Variants in FANCD2 observed in about 807,000 individuals in gnomAD.
FANCD2 encodes FA complementation group D2.
Under a neutral mutation model 192.3 loss-of-function variants are expected in FANCD2, and 131 were observed. That is an observed-to-expected ratio of 0.68 (90% confidence interval 0.59 to 0.79). FANCD2 has a LOEUF of 0.79. FANCD2 is among the 30% of genes least tolerant of loss of function. The probability of loss-of-function intolerance (pLI) is 0.00; values close to 1 mark genes in which losing one functional copy is unlikely to be tolerated. For synonymous variants in FANCD2, 524 were observed against 612.5 expected (o/e 0.86, Z 2.13); for missense variants, 1,508 against 1,701.6 (o/e 0.89, Z 2.00).
chr3:10,064,482 C>T, intron 22 of FANCD2, 53 bp downstream of exon 22: 1 of 1,478,634 alleles, frequency 6.8e-7, no homozygotes. Context: ...TACATCAATT[C>T]TGTCAGTAGC....
intron 4 of FANCD2, 42 bp from the exon 5 acceptor site, chr3:10,034,653 A>G: frequency 6.6e-7 from 1 of 1,520,028 alleles, no homozygotes. Flanking sequence ...CAAATATTAA[A>G]CTAAAAATTT....
intron 18 of FANCD2, among the ~76,000 whole-genome samples, chr3:10,054,403 GTATATACGTATATACA>G (rs1559383212): frequency 4.0e-5 from 3 of 74,348 alleles, no homozygotes; most frequent in African/African-American, 2.4e-4. Context: ...ATACGTATAT[GTATATACGTATATACA>G]TATATACATG....
At chr3:10,057,341 C>G (rs909046133) in intron 18 of FANCD2, among the ~76,000 whole-genome samples, 1 of 151,232 alleles carries the variant, frequency 6.6e-6, no homozygotes, top group African/African-American at 2.4e-5. Flanking sequence ...TCAAATTTAT[C>G]TATTTCTTTT....
intron 14 of FANCD2, among the ~76,000 whole-genome samples, chr3:10,044,703 G>T (rs1188429294): frequency 6.6e-6 from 1 of 152,030 alleles, no homozygotes; most frequent in Non-Finnish European, 1.5e-5. Flanking sequence ...ATCCAATTTT[G>T]GGATGATTAT....
intron 18 of FANCD2, among the ~76,000 whole-genome samples, chr3:10,053,445 T>G (rs1575770487): frequency 6.6e-6 from 1 of 151,854 alleles, no homozygotes; most frequent in East Asian, 1.9e-4. Context: ...AGTTAGTGGG[T>G]GCAGCACACC....
intron 9 of FANCD2, 73 bp downstream of exon 9, chr3:10,039,918 C>T (rs2086822893): frequency 6.4e-7 from 1 of 1,569,776 alleles, no homozygotes; most frequent in Non-Finnish European, 8.8e-7. Context: ...ATGCAAAGAG[C>T]AGTAGTAATA....
intron 20 of FANCD2, among the ~76,000 whole-genome samples, chr3:10,063,364 G>T (rs1348409464): frequency 6.7e-6 from 1 of 148,924 alleles, no homozygotes; most frequent in Admixed American, 6.6e-5. Flanking sequence ...TTGAATCCGG[G>T]AAGTGGAGGT....
intron 15 of FANCD2, 68 bp from the exon 16 acceptor site, chr3:10,047,848 GC>G: frequency 1.9e-6 from 3 of 1,592,734 alleles, no homozygotes; most frequent in Non-Finnish European, 2.6e-6. Context: ...AAAAGGATAA[GC>G]AACTCTTAGG....
At chr3:10,067,545 C>T (rs1186692490) in intron 26 of FANCD2, among the ~76,000 whole-genome samples, 1 of 152,196 alleles carries the variant, frequency 6.6e-6, no homozygotes, top group East Asian at 1.9e-4. Context: ...CGCCTGTAAT[C>T]CTAGCACTTT....
chr3:10,041,828 C>T (rs1452294124), intron 10 of FANCD2, 118 bp downstream of exon 10: 9 of 676,164 alleles, frequency 1.3e-5, no homozygotes, highest in South Asian at 6.2e-5. Context: ...TAGTGAATCA[C>T]ATTTGATATC....
intron 18 of FANCD2, among the ~76,000 whole-genome samples, chr3:10,054,743 A>G (rs1201261128): frequency 6.6e-6 from 1 of 151,102 alleles, no homozygotes; most frequent in African/African-American, 2.4e-5. Flanking sequence ...TCGGCCTCCC[A>G]AAGTGCTGGG....
At chr3:10,072,826 T>C (rs1475592251) in intron 26 of FANCD2, 45 bp from the exon 27 acceptor site, 1 of 1,000,152 alleles carries the variant, frequency 1.0e-6, no homozygotes, top group Non-Finnish European at 1.6e-6. Context: ...CTAATGGTGG[T>C]GTGTAATTGG....
intron 19 of FANCD2, among the ~76,000 whole-genome samples, chr3:10,061,269 T>C (rs370173134): frequency 6.6e-6 from 1 of 152,260 alleles, no homozygotes; most frequent in Non-Finnish European, 1.5e-5. Context: ...AACGTACTTT[T>C]ATACTTTCTC....
intron 29 of FANCD2, 37 bp from the exon 30 acceptor site, chr3:10,078,044 G>T (rs909845139): frequency 1.5e-6 from 2 of 1,320,476 alleles, no homozygotes; most frequent in Non-Finnish European, 2.2e-6. Context: ...AAATGACTAG[G>T]ACATTCCTGG....
intron 18 of FANCD2, among the ~76,000 whole-genome samples, chr3:10,054,473 ATTTTTTTT>A (rs55719769): frequency 6.0e-4 from 5 of 8,396 alleles, no homozygotes; most frequent in African/African-American, 3.5e-3. Flanking sequence ...ATATATATAT[ATTTTTTTT>A]TTTTTTTTTT....
intron 17 of FANCD2, among the ~76,000 whole-genome samples, chr3:10,050,575 A>G (rs530894323): frequency 1.3e-3 from 192 of 149,440 alleles, no homozygotes; most frequent in African/African-American, 4.2e-3. Flanking sequence ...GTGAGCCAAG[A>G]TAACACCACT....
intron 18 of FANCD2, 25 bp from the exon 19 acceptor site, chr3:10,060,269 A>G (rs1171219965): frequency 1.9e-6 from 3 of 1,542,072 alleles, no homozygotes; most frequent in Admixed American, 3.3e-5. Context: ...CAGCATTTTC[A>G]TCTTTCTTCA....
intron 29 of FANCD2, among the ~76,000 whole-genome samples, chr3:10,076,031 A>G (rs1322050266): frequency 6.9e-6 from 1 of 144,016 alleles, no homozygotes; most frequent in African/African-American, 2.7e-5. Context: ...GCGCCCAGCC[A>G]TATCTTTTTT....
At chr3:10,073,475 CA>C in intron 28 of FANCD2, 113 bp downstream of exon 28, 1 of 878,458 alleles carries the variant, frequency 1.1e-6, no homozygotes. Context: ...AACAGCGAGC[CA>C]AAACTCTCTT....
Sources: gnomAD v4.1 joint callset for allele counts (sites outside exome capture counted in the v4.1 genomes callset) on GRCh38, gnomAD v4.1.1 for gene constraint, MANE v1.5 for transcripts, NCBI Gene and HGNC (gene_info 2026-07-23, HGNC 2026-07-21) for gene names.